MACC1: variants seen among roughly 807,000 people sequenced by gnomAD.
MACC1 encodes MET transcriptional regulator MACC1, also known as metastasis-associated in colon cancer protein 1.
In MACC1, 79 loss-of-function variants were observed where a neutral mutation model predicts 70.7. The ratio of observed to expected loss-of-function variants is 1.12; its 90% confidence interval spans 0.93 to 1.35. The LOEUF is 1.35. Among genes scored for constraint, MACC1 ranks in the 40% most tolerant of loss-of-function variants. The probability of loss-of-function intolerance (pLI) is 0.00; values close to 1 mark genes in which losing one functional copy is unlikely to be tolerated. For synonymous variants in MACC1, 361 were observed against 347.2 expected (o/e 1.04, Z -0.44); for missense variants, 1,106 against 978.1 (o/e 1.13, Z -1.74).
intron 6 of MACC1, among the ~76,000 whole-genome samples, chr7:20,149,887 T>A (rs960686608): frequency 6.6e-6 from 1 of 152,230 alleles, no homozygotes; most frequent in Non-Finnish European, 1.5e-5. Context: ...ATACAGTGGT[T>A]AGGACTTTAT....
At chr7:20,172,883 T>TGA (rs1263526353) in intron 1 of MACC1, among the ~76,000 whole-genome samples, 12 of 152,236 alleles carry the variant, frequency 7.9e-5, no homozygotes, top group African/African-American at 2.9e-4. Context: ...GGGTTCCTTG[T>TGA]GATCAGCTGG....
rs571111513 is a variant in MACC1, at chr7:20,136,496, A to C, written c.*4450T>G. On this transcript the variant is annotated 3_prime_UTR_variant, in exon 7 of 7. Transcript: ENST00000400331. ...ACATGCAAAAGATACACATTTCTAC[A>C]ATGTTCAGTGAAATCTTGATGCTGA... 13 of 152,216 alleles carry C rather than the reference A, an allele frequency of 8.5e-5. No homozygotes were observed. Among genetic ancestry groups the C allele is most frequent in the Non-Finnish European group, 1.5e-4 (10 of 68,036 alleles). 9.4% of individuals were successfully genotyped at this position (152,216 alleles called of 1,614,324 possible). A position where few individuals can be genotyped will look rare whatever the true frequency, so the allele number is the denominator to read the frequency against.
At chr7:20,179,687 G>GT (rs1782469922) in intron 1 of MACC1, among the ~76,000 whole-genome samples, 1 of 146,316 alleles carries the variant, frequency 6.8e-6, no homozygotes, top group African/African-American at 2.5e-5. Context: ...TGTTTTTTTT[G>GT]TTTTTTGTTT....
At chr7:20,184,569 C>A (rs1300035302) in intron 1 of MACC1, among the ~76,000 whole-genome samples, 1 of 152,212 alleles carries the variant, frequency 6.6e-6, no homozygotes, top group African/African-American at 2.4e-5. Flanking sequence ...TAATAAATTT[C>A]TTGCATTTAT....
chr7:20,139,977 A>G lies in MACC1; in HGVS notation c.*969T>C, dbSNP rs1781773487. 1 of 151,974 alleles carries G rather than the reference A, an allele frequency of 6.6e-6. No homozygotes were observed. The highest frequency in any genetic ancestry group is 1.5e-5 in the Non-Finnish European group (1 of 67,980). 9.4% of individuals were successfully genotyped at this position (151,974 alleles called of 1,614,324 possible). On this transcript the variant is annotated 3_prime_UTR_variant, in exon 7 of 7. Coordinates refer to ENST00000400331, the MANE Select transcript of MACC1 (RefSeq NM_182762.4). ...TTTCTGGTGGTGGTGGTTTTTAATA[A>G]CTCGTATTATTAAAAATCTCCAAGA...
At chr7:20,189,063 G>A (rs1213174895) in intron 1 of MACC1, among the ~76,000 whole-genome samples, 1 of 151,974 alleles carries the variant, frequency 6.6e-6, no homozygotes, top group East Asian at 1.9e-4. Context: ...CTTTATACTT[G>A]CTGTCTTCTC....
At chr7:20,203,096 G>T (rs1782856068) in intron 1 of MACC1, among the ~76,000 whole-genome samples, 1 of 152,104 alleles carries the variant, frequency 6.6e-6, no homozygotes, top group Non-Finnish European at 1.5e-5. Flanking sequence ...AATTTCCCCA[G>T]TTGGTCCCAT....
rs3094998 is a variant in MACC1 at position 20,172,293 on chromosome 7, C to A, written c.-217-1515G>T. On this transcript the variant is annotated intron_variant, in intron 1 of 6. Coordinates refer to ENST00000400331, the MANE Select transcript of MACC1 (RefSeq NM_182762.4). ...CCCAGGACTGCCCTGTTTTAAAATC[C>A]AAACCTCTCAGTCCGGAGCAAACCA... 1.4e-4 allele frequency among the ~76,000 whole-genome samples: 22 copies of A among 152,116 alleles called. No homozygotes were observed. The East Asian group carries it at 1.9e-3, about 13-fold the overall frequency.
intron 3 of MACC1, among the ~76,000 whole-genome samples, chr7:20,163,466 A>T (rs561352899): frequency 6.6e-6 from 1 of 152,242 alleles, no homozygotes; most frequent in African/African-American, 2.4e-5. Flanking sequence ...GATATACATG[A>T]ATATTCATTA....
chr7:20,180,154 A>T (rs1004715169), intron 1 of MACC1, among the ~76,000 whole-genome samples: 10 of 152,116 alleles, frequency 6.6e-5, no homozygotes, highest in African/African-American at 2.4e-4. Context: ...TCAAAAATAT[A>T]TAGGCAATGG....
At chr7:20,188,048 A>G (rs746012840) in intron 1 of MACC1, among the ~76,000 whole-genome samples, 9 of 152,182 alleles carry the variant, frequency 5.9e-5, no homozygotes, top group Non-Finnish European at 8.8e-5. Flanking sequence ...TGATAGCAGT[A>G]AGGAGAAGTG....
intron 1 of MACC1, among the ~76,000 whole-genome samples, chr7:20,190,319 A>C (rs1333847832): frequency 6.6e-6 from 1 of 152,188 alleles, no homozygotes; most frequent in Non-Finnish European, 1.5e-5. Flanking sequence ...TAAATGTTTA[A>C]TTTTGAACAG....
At chr7:20,145,307 T>C (rs550381235) in intron 6 of MACC1, among the ~76,000 whole-genome samples, 16 of 152,092 alleles carry the variant, frequency 1.1e-4, no homozygotes, top group Admixed American at 8.5e-4. Flanking sequence ...TTTGGTAACT[T>C]GGAGAAGGCA....
At chr7:20,216,127 C>T (rs1783066873) in intron 1 of MACC1, among the ~76,000 whole-genome samples, 1 of 152,048 alleles carries the variant, frequency 6.6e-6, no homozygotes, top group African/African-American at 2.4e-5. Context: ...TAAGAATATA[C>T]CTGAAATTCA....
At chr7:20,157,867 T>TCTC (rs1317189900) in intron 5 of MACC1, among the ~76,000 whole-genome samples, 1 of 152,112 alleles carries the variant, frequency 6.6e-6, no homozygotes, top group African/African-American at 2.4e-5. Context: ...TAGTTTGCTT[T>TCTC]CATGTTATGG....
intron 6 of MACC1, among the ~76,000 whole-genome samples, chr7:20,148,535 AT>A (rs1458559486): frequency 6.6e-6 from 1 of 152,176 alleles, no homozygotes; most frequent in African/African-American, 2.4e-5. Context: ...CTTTAAATCC[AT>A]TTTGAATTTT....
rs758164132 is a variant in MACC1 at position 20,201,575 on chromosome 7, C to T, written c.-218+15724G>A. Among the ~76,000 whole-genome samples the T allele has an allele frequency of 5.6e-4, 85 of 152,162 alleles. 1 individual carries two copies. The highest frequency in any genetic ancestry group is 7.1e-4 in the Non-Finnish European group (48 of 68,008). ...AACTTGAACTTTAGCCTAAAGAAGA[C>T]GCAGAGGAGTTTAAGTTCAGTCAAT... On this transcript the variant is annotated intron_variant, in intron 1 of 6. Coordinates refer to ENST00000400331, the MANE Select transcript of MACC1 (RefSeq NM_182762.4).
Position 20,159,827 on chromosome 7 carries a change from A to T in MACC1, c.534T>A (p.Tyr178Ter). Residue 178 changes from tyrosine (Y) to a stop codon, truncating the protein, a stop_gained, in exon 5 of 7, where the codon TAT becomes TAA. Coordinates refer to ENST00000400331, the MANE Select transcript of MACC1 (RefSeq NM_182762.4). LOFTEE classifies it high-confidence loss of function. Reference protein sequence around the residue: ...LEWLKNDREAYKMAWLSQRQL... With the variant: ...LEWLKNDREA ...GGCGTTGACTTAACCAAGCCATTTT[A>T]TAAGCCTCCCGATCATTTTTAAGCC... The T allele has an allele frequency of 6.2e-7, 1 of 1,614,160 alleles. No individual in the cohort carries two copies. The highest frequency in any genetic ancestry group is 8.5e-7 in the Non-Finnish European group (1 of 1,180,020).
intron 1 of MACC1, among the ~76,000 whole-genome samples, chr7:20,190,997 T>G (rs1209479280): frequency 6.6e-6 from 1 of 152,212 alleles, no homozygotes; most frequent in East Asian, 1.9e-4. Flanking sequence ...CTTGCTGATA[T>G]AATCACCATT....
Sources: gnomAD v4.1 joint callset for allele counts (sites outside exome capture counted in the v4.1 genomes callset) on GRCh38, gnomAD v4.1.1 for gene constraint, MANE v1.5 for transcripts, NCBI Gene and HGNC (gene_info 2026-07-23, HGNC 2026-07-21) for gene names.